PPP2R2D: variants seen among roughly 807,000 people sequenced by gnomAD.
The protein encoded by PPP2R2D is serine/threonine-protein phosphatase 2A 55 kDa regulatory subunit B delta isoform.
In PPP2R2D, 9 loss-of-function variants were observed where a neutral mutation model predicts 31.1. The observed-to-expected ratio is 0.29, with a 90% CI of 0.17 to 0.51. The LOEUF is 0.51. Among genes scored for constraint, PPP2R2D ranks in the 20% least tolerant of loss-of-function variants. The probability of loss-of-function intolerance (pLI) is 0.98; values close to 1 mark genes in which losing one functional copy is unlikely to be tolerated. For synonymous variants in PPP2R2D, 179 were observed against 172.6 expected (o/e 1.04, Z -0.29); for missense variants, 391 against 465.6 (o/e 0.84, Z 1.48).
chr10:131,907,226 G>A (rs1376768458), intron 2 of PPP2R2D, among the ~76,000 whole-genome samples: 2 of 151,902 alleles, frequency 1.3e-5, no homozygotes, highest in African/African-American at 4.8e-5. Flanking sequence ...ATGGGACATG[G>A]TGTCTGCTTA....
rs368579242 is a variant in PPP2R2D, at chr10:131,955,768, A to T, written c.1167A>T (p.Arg389Ser). 8.8e-6 allele frequency: 14 copies of T among 1,586,074 alleles called. No individual in the cohort carries two copies. The highest frequency in any genetic ancestry group is 1.1e-5 in the South Asian group (1 of 87,580). The change falls in exon 9 of 9, where the codon AGA becomes AGT. Residue 389 changes from arginine (R) to serine (S), a missense_variant. Physicochemically the swap from Arg to Ser is moderately radical, Grantham distance 110. Coordinates refer to ENST00000455566, the MANE Select transcript of PPP2R2D (RefSeq NM_018461.5). ...GGGATGTGACCCTGGAGGCCTCGAG[A>T]GAGAGCAGCAAACCGCGCGCCAGCC... Reference protein sequence around the residue: ...TRRDVTLEASRESSKPRASLK... With the variant: ...TRRDVTLEASSESSKPRASLK...
the PPP2R2D span, chr10:131,970,566 C>T: frequency 2.7e-5 from 42 of 1,547,076 alleles, no homozygotes; most frequent in Non-Finnish European, 3.4e-5. The surrounding 1 kb of genome is among the most constrained non-coding windows in gnomAD (Gnocchi z 4.1). Context: ...AAACAGGTTA[C>T]GAATAAATCA....
intron 3 of PPP2R2D, chr10:131,934,863 T>C (rs1420830887): frequency 1.1e-5 from 5 of 474,226 alleles, no homozygotes; most frequent in Non-Finnish European, 1.7e-5. Context: ...CACGCGGCTC[T>C]CTCTGAAAAT....
rs2035696216 is a variant in PPP2R2D, at chr10:131,912,204, T to C, written c.100+10874T>C. On this transcript the variant is annotated intron_variant, in intron 2 of 8. Coordinates refer to ENST00000455566, the MANE Select transcript of PPP2R2D (RefSeq NM_018461.5). The stretch of plus-strand genomic sequence containing the variant: ...ACTTCTTTTCCTTTCCTTTCCTTTT[T>C]TGGAAATAGGGTCTTACTCCTCTGT... The C allele has an allele frequency of 2.0e-5, 3 of 152,362 alleles. No individual in the cohort carries two copies. In the East Asian group the frequency reaches 5.8e-4, roughly 29 times the overall value. 9.4% of individuals were successfully genotyped at this position (152,362 alleles called of 1,614,324 possible). A position where few individuals can be genotyped will look rare whatever the true frequency, so the allele number is the denominator to read the frequency against.
chr10:131,939,985 T>C (rs375729377), intron 3 of PPP2R2D, 46 bp from the exon 4 acceptor site: 30 of 543,010 alleles, frequency 5.5e-5, no homozygotes, highest in South Asian at 4.0e-4. Context: ...AAATTTTCTC[T>C]ACACTGTGCT....
At position 131,918,795 on chromosome 10, in the gene PPP2R2D, TCA is replaced by T. The variant is rs1218681316; in HGVS notation, c.101-15661_101-15660del. Among the ~76,000 whole-genome samples, 14 of 141,726 alleles carry T rather than the reference TCA, an allele frequency of 9.9e-5. 1 individual carries two copies. Among genetic ancestry groups the T allele is most frequent in the East Asian group, 4.4e-4 (2 of 4,498 alleles). The allele number at this position is 141,726 out of a possible 152,430, so 93.0% of individuals were successfully genotyped here. On this transcript the variant is annotated intron_variant, in intron 2 of 8. Transcript: ENST00000455566. ...GAATGACACAGTGTTTGTAGGGACCTCACGCGGGTGGAATGACACAGTGTGGG... is the reference window on the plus strand; with the variant it reads ...GAATGACACAGTGTTTGTAGGGACCTCGCGGGTGGAATGACACAGTGTGGG...
chr10:131,945,334 C>T lies in PPP2R2D; in HGVS notation c.695C>T (p.Thr232Ile), dbSNP rs782028635. ...AAGCCTGCTAACATGGAGGAGCTGA[C>T]CGAAGTCATCACTGCAGCCGAGTTC... ...DIKPANMEEL[T>I]EVITAAEFHP... Residue 232 changes from threonine to isoleucine, a missense_variant, in exon 7 of 9, where the codon ACC (threonine) becomes ATC (isoleucine). Around this residue, in one of 3 missense-constraint regions of PPP2R2D, gnomAD observed 123 missense variants for 187.7 expected, o/e 0.66. Coordinates refer to ENST00000455566, the MANE Select transcript of PPP2R2D (RefSeq NM_018461.5). The surrounding 1 kb of genome is among the most constrained non-coding windows in gnomAD (Gnocchi z 4.8). 6.8e-6 allele frequency: 11 copies of T among 1,614,026 alleles called. No homozygotes were observed. Among genetic ancestry groups the T allele is most frequent in the Non-Finnish European group, 9.3e-6 (11 of 1,180,014 alleles).
chr10:131,927,972 C>T (rs192918979), intron 2 of PPP2R2D, among the ~76,000 whole-genome samples: 11 of 152,220 alleles, frequency 7.2e-5, no homozygotes, highest in South Asian at 4.1e-4. Context: ...TTCTGGGTCA[C>T]GGGATATGCA....
rs2036527982 is a variant in PPP2R2D at position 131,945,791 on chromosome 10, G to A, written c.820+332G>A. 1 of 219,112 alleles carries A rather than the reference G, an allele frequency of 4.6e-6. No homozygotes were observed. The highest frequency in any genetic ancestry group is 2.3e-5 in the African/African-American group (1 of 44,202). 13.6% of individuals were successfully genotyped at this position (219,112 alleles called of 1,614,324 possible). A position where few individuals can be genotyped will look rare whatever the true frequency, so the allele number is the denominator to read the frequency against. ...TAAAGCATCTCATTTAGAGCCACTTGTTCTTCAGACACTCCAAAGACTTAG... is the reference window on the plus strand; with the variant it reads ...TAAAGCATCTCATTTAGAGCCACTTATTCTTCAGACACTCCAAAGACTTAG... On this transcript the variant is annotated intron_variant, in intron 7 of 8. Coordinates refer to ENST00000455566, the MANE Select transcript of PPP2R2D (RefSeq NM_018461.5). This position sits in a 1 kb window ranked among gnomAD's most constrained non-coding sequence, Gnocchi z 4.8.
At position 131,956,500 on chromosome 10, in the gene PPP2R2D, G is replaced by C. The variant is rs564924566; in HGVS notation, c.*537G>C. Reference sequence around the variant, plus strand: ...ACAGCATCCGCCGCCACCCCTTCGGGTGTGAGCGCTCAATAAAAACAACAC... The same window carrying C: ...ACAGCATCCGCCGCCACCCCTTCGGCTGTGAGCGCTCAATAAAAACAACAC... On this transcript the variant is annotated 3_prime_UTR_variant, in exon 9 of 9. Transcript: ENST00000455566. 2 of 985,532 alleles carry C rather than the reference G, an allele frequency of 2.0e-6. No individual in the cohort carries two copies. Among genetic ancestry groups the C allele is most frequent in the South Asian group, 9.4e-5 (2 of 21,284 alleles). 61.0% of individuals were successfully genotyped at this position (985,532 alleles called of 1,614,324 possible). A position where few individuals can be genotyped will look rare whatever the true frequency, so the allele number is the denominator to read the frequency against.
At position 131,956,246 on chromosome 10, in the gene PPP2R2D, C is replaced by G. The variant is rs534850538; in HGVS notation, c.*283C>G. 2 of 1,121,720 alleles carry G rather than the reference C, an allele frequency of 1.8e-6. No homozygotes were observed. Among genetic ancestry groups the G allele is most frequent in the Admixed American group, 4.9e-5 (1 of 20,214 alleles). The allele number at this position is 1,121,720 out of a possible 1,614,324, so 69.5% of individuals were successfully genotyped here. A position where few individuals can be genotyped will look rare whatever the true frequency, so the allele number is the denominator to read the frequency against. ...CAGAATAAATGTATTTATTTCAGTC[C>G]GAGCCTTCCTTTCCAATTTATAGAC... On this transcript the variant is annotated 3_prime_UTR_variant, in exon 9 of 9. Transcript: ENST00000455566.
chr10:131,966,751 A>G, the PPP2R2D span: 6 of 151,918 alleles, frequency 3.9e-5, no homozygotes, highest in African/African-American at 1.2e-4. Flanking sequence ...GGGTCTTGCT[A>G]TGCTCCCCCA....
chr10:131,915,600 C>T lies in PPP2R2D; in HGVS notation c.100+14270C>T, dbSNP rs148024810. On this transcript the variant is annotated intron_variant, in intron 2 of 8. Transcript: ENST00000455566. ...ACTGTCTGTGAAATTGGTTCATAGC[C>T]TGTCCCTGCTCTTGAGTGTTTATCC... is the stretch of plus-strand genomic sequence containing the variant. Among the ~76,000 whole-genome samples the T allele has an allele frequency of 4.4e-3, 672 of 152,298 alleles. 3 individuals are homozygous for T. Among genetic ancestry groups the T allele is most frequent in the African/African-American group, 0.015 (613 of 41,554 alleles).
rs542397371 is a variant in PPP2R2D, at chr10:131,941,767, C to T, written c.477+1073C>T. On this transcript the variant is annotated intron_variant, in intron 5 of 8. Coordinates refer to ENST00000455566, the MANE Select transcript of PPP2R2D (RefSeq NM_018461.5). Reference sequence around the variant, plus strand: ...GTCTGTTCTGATGCCATTTCTCCAGCTTTGCCGTGTGGGGTGGCTACACCT... The same window carrying T: ...GTCTGTTCTGATGCCATTTCTCCAGTTTTGCCGTGTGGGGTGGCTACACCT... 6.6e-5 allele frequency among the ~76,000 whole-genome samples: 10 copies of T among 152,310 alleles called. No homozygotes were observed. In the East Asian group the frequency reaches 1.2e-3, roughly 18 times the overall value.
At chr10:131,922,450 A>T (rs1554894371) in intron 2 of PPP2R2D, among the ~76,000 whole-genome samples, 1 of 139,614 alleles carries the variant, frequency 7.2e-6, no homozygotes. Context: ...CTTATCTGTC[A>T]ATTGTTTTTT....
chr10:131,956,118 C>G lies in PPP2R2D; in HGVS notation c.*155C>G. 1 of 1,256,542 alleles carries G rather than the reference C, an allele frequency of 8.0e-7. No homozygotes were observed. Among genetic ancestry groups the G allele is most frequent in the Non-Finnish European group, 1.0e-6 (1 of 1,002,462 alleles). The allele number at this position is 1,256,542 out of a possible 1,614,324, so 77.8% of individuals were successfully genotyped here. A position where few individuals can be genotyped will look rare whatever the true frequency, so the allele number is the denominator to read the frequency against. On this transcript the variant is annotated 3_prime_UTR_variant, in exon 9 of 9. Coordinates refer to ENST00000455566, the MANE Select transcript of PPP2R2D (RefSeq NM_018461.5). ...GAGAAAGCCGCCTCCGCTGGAGGCC[C>G]GGTGTGGTTCCGCCTCGGCGAGGCG...
chr10:131,920,220 C>G (rs28571631), intron 2 of PPP2R2D, among the ~76,000 whole-genome samples: 39,896 of 140,744 alleles, frequency 0.28, 5,621 homozygotes, highest in East Asian at 0.45. Context: ...AGGGACCTCA[C>G]GCGGGTGGAA....
the PPP2R2D span, chr10:131,970,592 G>A: frequency 4.9e-5 from 79 of 1,596,936 alleles, no homozygotes; most frequent in East Asian, 6.3e-4. This position sits in a 1 kb window ranked among gnomAD's most constrained non-coding sequence, Gnocchi z 4.1. Flanking sequence ...ACCCAGAATC[G>A]CCCCACGACA....
At chr10:131,917,646 A>G (rs113983106) in intron 2 of PPP2R2D, among the ~76,000 whole-genome samples, 1 of 120,096 alleles carries the variant, frequency 8.3e-6, no homozygotes, top group African/African-American at 3.3e-5. Flanking sequence ...GGCGGGTGGA[A>G]TGACACAGTG....
Sources: gnomAD v4.1 joint callset for allele counts (sites outside exome capture counted in the v4.1 genomes callset) on GRCh38, gnomAD v4.1.1 for gene constraint, gnomAD v4.1.1 regional missense constraint, Gnocchi (gnomAD v3.1) non-coding constraint, MANE v1.5 for transcripts, NCBI Gene and HGNC (gene_info 2026-07-23, HGNC 2026-07-21) for gene names.